Variants in SLAIN2 observed in about 807,000 individuals in gnomAD.
SLAIN2 encodes SLAIN motif-containing protein 2.
A neutral mutation model predicts 56.6 loss-of-function variants in SLAIN2; 31 were observed. The ratio of observed to expected loss-of-function variants is 0.55; its 90% CI spans 0.41 to 0.74. SLAIN2 has a LOEUF of 0.74. SLAIN2 is among the 30% of genes least tolerant of loss of function. SLAIN2 has a pLI of 0.00. For synonymous variants in SLAIN2, 317 were observed against 284.9 expected (o/e 1.11, Z -1.13); for missense variants, 777 against 754.2 (o/e 1.03, Z -0.35).
chr4:48,373,382 C>G (rs1159092469), intron 2 of SLAIN2, among the ~76,000 whole-genome samples: 1 of 152,176 alleles, frequency 6.6e-6, no homozygotes, highest in Non-Finnish European at 1.5e-5. Context: ...TGCCCCAGAT[C>G]TCTCTTTTGC....
chr4:48,379,859 T>C lies in SLAIN2; in HGVS notation c.862+11T>C. The C allele has an allele frequency of 6.5e-7, 1 of 1,538,016 alleles. No homozygotes were observed. The highest frequency in any genetic ancestry group is 2.3e-5 in the East Asian group (1 of 43,056). On this transcript the variant is annotated intron_variant, in intron 4 of 7. Transcript: ENST00000264313. ...GGATGCAGGAAGAAAGTAAGTATTC[T>C]AATTGTTAAGAGTTGAGGTTTTTTA...
Position 48,379,694 on chromosome 4 carries a change from C to A in SLAIN2, c.708C>A (p.Asn236Lys). ...KQLILPGNSG[N>K]LKSSDRNPPL... ...TTTTCTTTTTTTTTTTTTAAGGTAA[C>A]TTGAAAAGCTCAGACAGAAATCCTC... is the stretch of plus-strand genomic sequence containing the variant. Residue 236 changes from asparagine (N) to lysine (K), a missense_variant, in exon 4 of 8, where the codon AAC (asparagine) becomes AAA (lysine). Physicochemically the swap from Asn to Lys is moderately conservative, Grantham distance 94. Coordinates refer to ENST00000264313, the MANE Select transcript of SLAIN2 (RefSeq NM_020846.2). 3 of 1,407,660 alleles carry A rather than the reference C, an allele frequency of 2.1e-6. No individual in the cohort carries two copies. The highest frequency in any genetic ancestry group is 1.8e-5 in the South Asian group (1 of 57,122). The allele number at this position is 1,407,660 out of a possible 1,614,324, so 87.2% of individuals were successfully genotyped here.
intron 1 of SLAIN2, among the ~76,000 whole-genome samples, chr4:48,365,181 A>C (rs963044134): frequency 1.3e-5 from 2 of 152,072 alleles, no homozygotes; most frequent in Non-Finnish European, 2.9e-5. Flanking sequence ...TCTTTAAAAA[A>C]AAATTGGCCT....
intron 1 of SLAIN2, among the ~76,000 whole-genome samples, chr4:48,360,165 A>G (rs940921463): frequency 6.6e-6 from 1 of 151,922 alleles, no homozygotes; most frequent in African/African-American, 2.4e-5. Context: ...AAAAAAAAAA[A>G]AAATAGTGGT....
Position 48,341,634 on chromosome 4 carries a change from G to A in SLAIN2, c.-106G>A, listed in dbSNP as rs1714701121. On this transcript the variant is annotated 5_prime_UTR_variant, in exon 1 of 8. Coordinates refer to ENST00000264313, the MANE Select transcript of SLAIN2 (RefSeq NM_020846.2). ...TGGGGCCTGGTCCTGCTATATGCCG[G>A]CGCCTCGGCTAGAGTGAGCGGCGGC... 3 of 1,438,350 alleles carry A rather than the reference G, an allele frequency of 2.1e-6. No homozygotes were observed. Among genetic ancestry groups the A allele is most frequent in the South Asian group, 2.9e-5 (2 of 68,914 alleles). The allele number at this position is 1,438,350 out of a possible 1,614,324, so 89.1% of individuals were successfully genotyped here.
At chr4:48,372,011 CAT>C (rs1240717917) in intron 2 of SLAIN2, among the ~76,000 whole-genome samples, 31 of 149,686 alleles carry the variant, frequency 2.1e-4, no homozygotes, top group Middle Eastern at 3.5e-3. Context: ...CACACACACA[CAT>C]ATACATATAT....
rs78972497 is a variant in SLAIN2, at chr4:48,369,512, C to T, written c.390-337C>T. ...AGAATTTAGCTCCTTCTTCTGCTTC[C>T]TAAGTAGATTTAATAATCTGGCTAT... On this transcript the variant is annotated intron_variant, in intron 1 of 7. Coordinates refer to ENST00000264313, the MANE Select transcript of SLAIN2 (RefSeq NM_020846.2). Among the ~76,000 whole-genome samples, 201 of 152,216 alleles carry T rather than the reference C, an allele frequency of 1.3e-3. 1 individual carries two copies. Among genetic ancestry groups the T allele is most frequent in the Middle Eastern group, 6.8e-3 (2 of 294 alleles).
chr4:48,424,234 A>G lies in SLAIN2; in HGVS notation c.*2157A>G, dbSNP rs2109794532. The G allele has an allele frequency of 6.6e-6, 1 of 152,220 alleles. No individual in the cohort carries two copies. The highest frequency in any genetic ancestry group is 2.1e-4 in the South Asian group (1 of 4,828). The allele number at this position is 152,220 out of a possible 1,614,324, so 9.4% of individuals were successfully genotyped here. A position where few individuals can be genotyped will look rare whatever the true frequency, so the allele number is the denominator to read the frequency against. On this transcript the variant is annotated 3_prime_UTR_variant, in exon 8 of 8. Transcript: ENST00000264313. ...TTATTTTACCTGCTGTTGTACTACC[A>G]CAGACTGTTGACTTTTAGTTTCTTA...
intron 6 of SLAIN2, among the ~76,000 whole-genome samples, chr4:48,393,386 TTGTGTGTG>T (rs57142552): frequency 5.6e-4 from 76 of 135,446 alleles, no homozygotes; most frequent in South Asian, 1.3e-3. Flanking sequence ...CATGTCTGGC[TTGTGTGTG>T]TGTGTGTGTG....
intron 1 of SLAIN2, 22 bp from the exon 2 acceptor site, chr4:48,369,827 G>GT (rs751603685): frequency 1.3e-6 from 2 of 1,599,512 alleles, no homozygotes; most frequent in African/African-American, 1.3e-5. Context: ...GGAATTTTCT[G>GT]TTTTTTGTTG....
Position 48,424,525 on chromosome 4 carries a change from TTGAA to T in SLAIN2, c.*2451_*2454del, listed in dbSNP as rs1374181806. 1.3e-5 allele frequency: 2 copies of T among 152,150 alleles called. No homozygotes were observed. Among genetic ancestry groups the T allele is most frequent in the Non-Finnish European group, 2.9e-5 (2 of 68,000 alleles). 9.4% of individuals were successfully genotyped at this position (152,150 alleles called of 1,614,324 possible). On this transcript the variant is annotated 3_prime_UTR_variant, in exon 8 of 8. Coordinates refer to ENST00000264313, the MANE Select transcript of SLAIN2 (RefSeq NM_020846.2). The stretch of plus-strand genomic sequence containing the variant: ...CAAAGTTATTTAATTTTCTCAGTGT[TTGAA>T]TGTTATTTTTTGTAAGTGTGTTAAT...
chr4:48,396,892 A>C (rs1219388276), intron 6 of SLAIN2, among the ~76,000 whole-genome samples: 2 of 152,232 alleles, frequency 1.3e-5, no homozygotes, highest in East Asian at 3.8e-4. Context: ...TGCTTGGCAC[A>C]GTCACTCCAT....
At chr4:48,360,590 T>G (rs998607982) in intron 1 of SLAIN2, among the ~76,000 whole-genome samples, 2 of 151,916 alleles carry the variant, frequency 1.3e-5, no homozygotes, top group African/African-American at 4.8e-5. Flanking sequence ...AGACTCTGTC[T>G]CCAAAAAAAA....
intron 6 of SLAIN2, chr4:48,394,679 A>G (rs1716332799): frequency 6.6e-7 from 1 of 1,525,844 alleles, no homozygotes; most frequent in Admixed American, 2.0e-5. Context: ...TACTCAGTTT[A>G]AAATTTCAGC....
intron 4 of SLAIN2, 113 bp from the exon 5 acceptor site, chr4:48,382,455 T>A (rs1715992211): frequency 1.4e-5 from 16 of 1,137,362 alleles, no homozygotes; most frequent in Non-Finnish European, 1.9e-5. Context: ...GGAGTTTTCT[T>A]TTACACTTTA....
intron 1 of SLAIN2, among the ~76,000 whole-genome samples, chr4:48,369,369 C>T (rs1370373342): frequency 6.6e-6 from 1 of 152,096 alleles, no homozygotes; most frequent in Non-Finnish European, 1.5e-5. Context: ...TTGCTTTTCT[C>T]CAACACATTG....
rs200242582 is a variant in SLAIN2 at position 48,370,012 on chromosome 4, T to G, written c.538+15T>G. ...AACTATGTCAGGTATGTCTATAATT[T>G]TGCTTGTAAATTCATCTCTTTGCTT... On this transcript the variant is annotated intron_variant, in intron 2 of 7. Transcript: ENST00000264313. The G allele has an allele frequency of 1.2e-5, 20 of 1,609,194 alleles. No homozygotes were observed. The African/African-American group carries it at 2.4e-4, about 19-fold the overall frequency.
intron 7 of SLAIN2, among the ~76,000 whole-genome samples, chr4:48,421,194 A>G (rs1717146726): frequency 6.6e-6 from 1 of 151,910 alleles, no homozygotes; most frequent in South Asian, 2.1e-4. Context: ...TTTTGTAGAG[A>G]TGGGGTTTTA....
chr4:48,408,696 G>C (rs1265105184), intron 6 of SLAIN2, among the ~76,000 whole-genome samples: 2 of 152,012 alleles, frequency 1.3e-5, no homozygotes, highest in African/African-American at 4.8e-5. Flanking sequence ...TTAAGTTAAA[G>C]CTTATAAACT....
Sources: gnomAD v4.1 joint callset for allele counts (sites outside exome capture counted in the v4.1 genomes callset) on GRCh38, gnomAD v4.1.1 for gene constraint, MANE v1.5 for transcripts, NCBI Gene and HGNC (gene_info 2026-07-23, HGNC 2026-07-21) for gene names.